The following AGMO variants were observed in gnomAD, a reference collection of about 807,000 sequenced individuals.
AGMO encodes alkylglycerol monooxygenase.
Under a neutral mutation model 60.2 loss-of-function variants are expected in AGMO, and 75 were observed. The ratio of observed to expected loss-of-function variants is 1.25; its 90% CI spans 1.03 to 1.51. The LOEUF (loss-of-function observed/expected upper bound fraction) is 1.51, where lower values mean the gene tolerates loss of function less well. AGMO is among the 40% of genes most tolerant of loss of function. AGMO has a pLI of 0.00. For synonymous variants in AGMO, 261 were observed against 177.1 expected, an observed-to-expected ratio of 1.47 and a Z score of -3.76; for missense variants, 763 against 525.5, an observed-to-expected ratio of 1.45 and a Z score of -4.42.
At chr7:15,540,810 T>C (rs891574995) in intron 3 of AGMO, among the ~76,000 whole-genome samples, 1 of 152,196 alleles carries the variant, frequency 6.6e-6, no homozygotes, top group African/African-American at 2.4e-5. Flanking sequence ...AGAAATTGCA[T>C]TGGTGACATT....
chr7:15,307,266 CT>C (rs1345701664), intron 12 of AGMO, among the ~76,000 whole-genome samples: 1 of 151,940 alleles, frequency 6.6e-6, no homozygotes, highest in Non-Finnish European at 1.5e-5. Context: ...TTTGACATGA[CT>C]TGTCTTCAAA....
At chr7:15,504,344 T>C (rs1322193037) in intron 3 of AGMO, among the ~76,000 whole-genome samples, 1 of 151,970 alleles carries the variant, frequency 6.6e-6, no homozygotes, top group African/African-American at 2.4e-5. Flanking sequence ...CAAAGAACAT[T>C]TGATATGTTC....
the AGMO span, among the ~76,000 whole-genome samples, chr7:15,154,921 G>A: frequency 6.6e-6 from 1 of 152,104 alleles, no homozygotes; most frequent in Non-Finnish European, 1.5e-5. Flanking sequence ...GCTGAATATA[G>A]GCTTCTAATA....
chr7:15,365,090 A>G (rs1197024943), intron 12 of AGMO, among the ~76,000 whole-genome samples: 1 of 151,982 alleles, frequency 6.6e-6, no homozygotes, highest in East Asian at 1.9e-4. Context: ...TTTCTGTAGA[A>G]TGATTACTTT....
chr7:15,349,542 C>A (rs1234151374), intron 12 of AGMO, among the ~76,000 whole-genome samples: 1 of 152,080 alleles, frequency 6.6e-6, no homozygotes, highest in Non-Finnish European at 1.5e-5. Flanking sequence ...CTCATAGACC[C>A]AATACCTACC....
chr7:15,493,057 G>A (rs1273369071), intron 3 of AGMO, among the ~76,000 whole-genome samples: 4 of 152,084 alleles, frequency 2.6e-5, no homozygotes. Flanking sequence ...AAGAGTGGAA[G>A]GGTTGTTTCA....
intron 5 of AGMO, among the ~76,000 whole-genome samples, chr7:15,395,108 C>T (rs1784317755): frequency 6.6e-6 from 1 of 152,144 alleles, no homozygotes; most frequent in South Asian, 2.1e-4. Context: ...TTTTACTTTT[C>T]TTTATTCACA....
At chr7:15,493,362 C>CACACACACACACT (rs71004386) in intron 3 of AGMO, among the ~76,000 whole-genome samples, 4 of 102,264 alleles carry the variant, frequency 3.9e-5, no homozygotes, top group Non-Finnish European at 5.5e-5. Context: ...CACACACACA[C>CACACACACACACT]TTCTTTTTTT....
chr7:15,489,745 T>C (rs1296387480), intron 3 of AGMO, among the ~76,000 whole-genome samples: 1 of 152,168 alleles, frequency 6.6e-6, no homozygotes. Context: ...CTCCTGTGGT[T>C]TGTTAACCCG....
intron 12 of AGMO, among the ~76,000 whole-genome samples, chr7:15,341,895 A>G (rs1374564560): frequency 6.6e-6 from 1 of 152,022 alleles, no homozygotes; most frequent in Non-Finnish European, 1.5e-5. Context: ...CATATTCACT[A>G]TCATGAGAAC....
chr7:15,154,214 T>A, the AGMO span, among the ~76,000 whole-genome samples: 1 of 152,192 alleles, frequency 6.6e-6, no homozygotes, highest in Admixed American at 6.5e-5. Flanking sequence ...CACAAATTAG[T>A]AGCTCTGCTA....
At chr7:15,322,901 A>AATAT (rs143738101) in intron 12 of AGMO, among the ~76,000 whole-genome samples, 1 of 146,298 alleles carries the variant, frequency 6.8e-6, no homozygotes, top group South Asian at 2.1e-4. Flanking sequence ...TACAGGAAAA[A>AATAT]ATATATATAT....
rs200175234 is a variant in AGMO at position 15,361,539 on chromosome 7, CA to C, written c.1263+3974del. On this transcript the variant is annotated intron_variant, in intron 12 of 12. Transcript: ENST00000342526. ...TGGGCAACAGAGCGAGACTGTGTCT[CA>C]AAAAAAAAAAAAAAGGTTTTGAGAT... Among the ~76,000 whole-genome samples the C allele has an allele frequency of 8.7e-3, 258 of 29,518 alleles. 12 individuals are homozygous for C. Among genetic ancestry groups the C allele is most frequent in the African/African-American group, 0.022 (145 of 6,628 alleles). 19.4% of individuals were successfully genotyped at this position (29,518 alleles called of 152,430 possible). A position where few individuals can be genotyped will look rare whatever the true frequency, so the allele number is the denominator to read the frequency against.
intron 10 of AGMO, among the ~76,000 whole-genome samples, chr7:15,369,852 T>C (rs1272568442): frequency 2.0e-5 from 3 of 152,196 alleles, no homozygotes; most frequent in Non-Finnish European, 4.4e-5. Flanking sequence ...ATACATTAAA[T>C]GTTATTACAT....
At chr7:15,316,330 A>G (rs754670774) in intron 12 of AGMO, among the ~76,000 whole-genome samples, 10 of 152,128 alleles carry the variant, frequency 6.6e-5, no homozygotes, top group Non-Finnish European at 1.5e-4. Flanking sequence ...ATTGGCTTAC[A>G]TGCACCCCTC....
intron 12 of AGMO, among the ~76,000 whole-genome samples, chr7:15,249,242 A>G (rs1208268692): frequency 6.6e-6 from 1 of 152,190 alleles, no homozygotes; most frequent in Non-Finnish European, 1.5e-5. Flanking sequence ...TAAGGATAGA[A>G]TATTAGTGAT....
chr7:15,468,787 G>A (rs1782362590), intron 3 of AGMO, among the ~76,000 whole-genome samples: 1 of 152,062 alleles, frequency 6.6e-6, no homozygotes, highest in Non-Finnish European at 1.5e-5. Context: ...TCTGAAGCTT[G>A]TGCACGTTTG....
chr7:15,437,792 G>T lies in AGMO; in HGVS notation c.410-6684C>A, dbSNP rs527360325. 2.6e-5 allele frequency among the ~76,000 whole-genome samples: 4 copies of T among 151,960 alleles called. No homozygotes were observed. The East Asian group carries it at 5.8e-4, about 22-fold the overall frequency. On this transcript the variant is annotated intron_variant, in intron 3 of 12. Transcript: ENST00000342526. ...CCTGACCTCGTGATCCGCCCGCCTC[G>T]GCCTCACAAAGTGCTGAGATTACAG...
intron 12 of AGMO, among the ~76,000 whole-genome samples, chr7:15,244,021 G>C (rs1782670004): frequency 6.6e-6 from 1 of 152,154 alleles, no homozygotes; most frequent in African/African-American, 2.4e-5. Context: ...ACTCTGCTGA[G>C]CTAGAAGTAA....
Sources: allele counts gnomAD v4.1 joint callset (sites outside exome capture counted in the v4.1 genomes callset), GRCh38; gene constraint gnomAD v4.1.1; transcripts MANE v1.5; gene names NCBI Gene and HGNC (gene_info 2026-07-23, HGNC 2026-07-21).